KCNK2: variants seen among roughly 807,000 people sequenced by gnomAD.
KCNK2 encodes the protein potassium two pore domain channel subfamily K member 2.
A neutral mutation model predicts 40.5 loss-of-function variants in KCNK2; 21 were observed. The observed-to-expected ratio is 0.52, with a 90% CI of 0.37 to 0.75. The LOEUF (loss-of-function observed/expected upper bound fraction) is 0.75. Ranked by LOEUF, KCNK2 falls within the 30% of genes least tolerant of loss-of-function variation. The probability of loss-of-function intolerance (pLI) is 0.00; values close to 1 mark genes in which losing one functional copy is unlikely to be tolerated. For synonymous variants in KCNK2, 191 were observed against 202.2 expected (o/e 0.94, Z 0.47); for missense variants, 399 against 531.6 (o/e 0.75, Z 2.45).
chr1:215,177,781 C>T (rs1209128609), intron 5 of KCNK2, among the ~76,000 whole-genome samples: 2 of 126,140 alleles, frequency 1.6e-5, no homozygotes, highest in African/African-American at 5.8e-5. Flanking sequence ...TTCGGTTACT[C>T]TACCCTTGTA....
chr1:215,221,336 T>A (rs1262837036), intron 6 of KCNK2, among the ~76,000 whole-genome samples: 6 of 152,140 alleles, frequency 3.9e-5, no homozygotes, highest in Non-Finnish European at 8.8e-5. Flanking sequence ...ATCGCGCCAC[T>A]ACACTCCAGC....
At chr1:215,044,459 C>T (rs1435435552) in intron 1 of KCNK2, among the ~76,000 whole-genome samples, 2 of 151,904 alleles carry the variant, frequency 1.3e-5, no homozygotes, top group Non-Finnish European at 2.9e-5. Flanking sequence ...TGAGTCAGCA[C>T]CTGGATTTGC....
chr1:215,084,792 A>C (rs896332338), intron 1 of KCNK2, among the ~76,000 whole-genome samples: 1 of 152,318 alleles, frequency 6.6e-6, no homozygotes, highest in South Asian at 2.1e-4. Context: ...CTATATGTAC[A>C]TGGAATCTCC....
chr1:215,083,488 C>T (rs570938656), intron 1 of KCNK2, 57 bp downstream of exon 1: 2 of 1,323,982 alleles, frequency 1.5e-6, no homozygotes, highest in South Asian at 1.2e-5. Flanking sequence ...CCTGCCCCAG[C>T]CTTTTCTGGG....
intron 1 of KCNK2, among the ~76,000 whole-genome samples, chr1:215,074,791 A>C (rs1471295937): frequency 6.6e-6 from 1 of 152,200 alleles, no homozygotes; most frequent in African/African-American, 2.4e-5. Flanking sequence ...GAGGTAAGAA[A>C]CGTTGAAGTC....
intron 1 of KCNK2, among the ~76,000 whole-genome samples, chr1:215,012,891 G>A (rs2102471781): frequency 6.6e-6 from 1 of 151,998 alleles, no homozygotes; most frequent in East Asian, 1.9e-4. Context: ...AAGAACAATT[G>A]ATGAACTTTT....
At chr1:215,212,956 G>C (rs940527459) in intron 6 of KCNK2, among the ~76,000 whole-genome samples, 2 of 152,144 alleles carry the variant, frequency 1.3e-5, no homozygotes, top group African/African-American at 4.8e-5. Flanking sequence ...GAATGCTAAT[G>C]TGGACATTTT....
intron 1 of KCNK2, among the ~76,000 whole-genome samples, chr1:215,053,848 T>A (rs1658069486): frequency 6.6e-6 from 1 of 152,154 alleles, no homozygotes; most frequent in South Asian, 2.1e-4. Flanking sequence ...ATGCCTGTAA[T>A]CCCAGCTACT....
chr1:215,111,909 T>C (rs1660700620), intron 2 of KCNK2, among the ~76,000 whole-genome samples: 2 of 151,572 alleles, frequency 1.3e-5, no homozygotes, highest in Non-Finnish European at 2.9e-5. Context: ...TCAGCCCTAA[T>C]CAGCCTGCCT....
intron 1 of KCNK2, among the ~76,000 whole-genome samples, chr1:215,058,439 C>T (rs1658244780): frequency 6.6e-6 from 1 of 152,138 alleles, no homozygotes; most frequent in African/African-American, 2.4e-5. Context: ...ATTCCTCTTT[C>T]TCTCACCCAT....
intron 6 of KCNK2, among the ~76,000 whole-genome samples, chr1:215,208,893 T>A (rs1665432805): frequency 6.6e-6 from 1 of 152,010 alleles, no homozygotes; most frequent in Admixed American, 6.6e-5. Flanking sequence ...AGTGGCACCA[T>A]CTTGGCTCAC....
chr1:215,222,191 A>T (rs969847035), intron 6 of KCNK2, among the ~76,000 whole-genome samples: 3 of 152,200 alleles, frequency 2.0e-5, no homozygotes, highest in Non-Finnish European at 4.4e-5. Flanking sequence ...TCCATCCAGC[A>T]TTGGGGATTA....
intron 1 of KCNK2, among the ~76,000 whole-genome samples, chr1:215,067,596 T>A (rs1264096285): frequency 2.6e-5 from 4 of 152,156 alleles, no homozygotes; most frequent in Non-Finnish European, 5.9e-5. Context: ...ATCACACTTG[T>A]TGAATTTTTA....
chr1:215,171,957 CAT>C (rs147357085), intron 4 of KCNK2, 38 bp from the exon 5 acceptor site: 2,267 of 1,178,054 alleles, frequency 1.9e-3, no homozygotes, highest in South Asian at 2.6e-3. Context: ...CATTTATATA[CAT>C]ATATATATAT....
intron 2 of KCNK2, among the ~76,000 whole-genome samples, chr1:215,090,712 T>C (rs964775313): frequency 1.3e-5 from 2 of 152,212 alleles, no homozygotes; most frequent in East Asian, 1.9e-4. Flanking sequence ...AAATATCTTA[T>C]AGGACATTTG....
chr1:215,005,609 CT>C (rs1291173740), upstream of KCNK2, among the ~76,000 whole-genome samples: 1 of 152,208 alleles, frequency 6.6e-6, no homozygotes, highest in African/African-American at 2.4e-5. Context: ...AAACTTCTGT[CT>C]TTTAAATTCT....
chr1:215,009,188 G>A (rs1223952162), intron 1 of KCNK2, among the ~76,000 whole-genome samples: 1 of 152,092 alleles, frequency 6.6e-6, no homozygotes, highest in African/African-American at 2.4e-5. Context: ...ATTAGGTGGG[G>A]AGTGTATTTT....
At chr1:215,128,266 A>G (rs1304620799) in intron 3 of KCNK2, among the ~76,000 whole-genome samples, 1 of 152,162 alleles carries the variant, frequency 6.6e-6, no homozygotes, top group Non-Finnish European at 1.5e-5. Context: ...GCTCATGTGG[A>G]AAAGATCAGA....
chr1:215,203,229 A>AT (rs944021041), intron 6 of KCNK2, among the ~76,000 whole-genome samples: 1 of 152,222 alleles, frequency 6.6e-6, no homozygotes, highest in African/African-American at 2.4e-5. Context: ...AAAAGAAATG[A>AT]TTTGTATGAT....
Sources: gnomAD v4.1 joint callset for allele counts (sites outside exome capture counted in the v4.1 genomes callset) on GRCh38, gnomAD v4.1.1 for gene constraint, MANE v1.5 for transcripts, NCBI Gene and HGNC (gene_info 2026-07-23, HGNC 2026-07-21) for gene names.